Variants in FBXL7 observed in about 807,000 individuals in gnomAD.
FBXL7 encodes F-box/LRR-repeat protein 7.
Under a neutral mutation model 38.3 loss-of-function variants are expected in FBXL7, and 12 were observed. That is an observed-to-expected ratio of 0.31 (90% CI 0.20 to 0.51). The LOEUF is 0.51. FBXL7 is among the 20% of genes least tolerant of loss of function. FBXL7 has a pLI of 0.98. For synonymous variants in FBXL7, 297 were observed against 300.9 expected (o/e 0.99, Z 0.13); for missense variants, 567 against 676.4 (o/e 0.84, Z 1.79).
intron 2 of FBXL7, among the ~76,000 whole-genome samples, chr5:15,917,497 A>C (rs1741612838): frequency 6.6e-6 from 1 of 152,116 alleles, no homozygotes; most frequent in East Asian, 1.9e-4. Flanking sequence ...AGTTCCATCT[A>C]CTCGGGAGGC....
intron 2 of FBXL7, among the ~76,000 whole-genome samples, chr5:15,861,773 C>T (rs1739484026): frequency 6.6e-6 from 1 of 152,154 alleles, no homozygotes; most frequent in Non-Finnish European, 1.5e-5. Context: ...CTTCAGGTCA[C>T]CTGGTGCAAT....
chr5:15,655,712 G>T (rs1741857561), intron 2 of FBXL7, among the ~76,000 whole-genome samples: 1 of 152,150 alleles, frequency 6.6e-6, no homozygotes, highest in Admixed American at 6.5e-5. Flanking sequence ...GGTCTTAGGA[G>T]AGCAGCAGAA....
intron 2 of FBXL7, among the ~76,000 whole-genome samples, chr5:15,627,949 A>T (rs7720610): frequency 1 from 152,046 of 152,282 alleles, 75,905 homozygotes; most frequent in Non-Finnish European, 1. Context: ...GCACTTTAGT[A>T]GTAAACGGTG....
chr5:15,593,431 G>C (rs1477084355), intron 1 of FBXL7, among the ~76,000 whole-genome samples: 1 of 152,134 alleles, frequency 6.6e-6, no homozygotes. Flanking sequence ...GGCTGAGGCA[G>C]GAGAATTGCT....
rs1742192871 is a variant in FBXL7 at position 15,936,560 on chromosome 5, G to C, written c.850G>C (p.Val284Leu). ...CTACCTGGACATGACGGACTGCTTC[G>C]TGCTGGAGGACGAAGGCCTGCACAC... The part of the protein sequence containing the change: ...IRYLDMTDCF[V>L]LEDEGLHTIA... Residue 284 changes from valine to leucine, a missense_variant, in exon 4 of 4, where the codon GTG becomes CTG. Physicochemically the swap from Val to Leu is conservative, Grantham distance 32. Coordinates refer to ENST00000504595, the MANE Select transcript of FBXL7 (RefSeq NM_012304.5). The surrounding 1 kb of genome is among the most constrained non-coding windows in gnomAD (Gnocchi z 6.0). 1 of 1,613,050 alleles carries C rather than the reference G, an allele frequency of 6.2e-7. No homozygotes were observed. The highest frequency in any genetic ancestry group is 8.5e-7 in the Non-Finnish European group (1 of 1,179,906).
intron 2 of FBXL7, among the ~76,000 whole-genome samples, chr5:15,925,903 C>G (rs1242837461): frequency 2.6e-5 from 4 of 152,126 alleles, no homozygotes; most frequent in Non-Finnish European, 5.9e-5. Flanking sequence ...CCCATACAAC[C>G]ATTCTGTTTT....
Position 15,758,371 on chromosome 5 carries a change from T to C in FBXL7, c.127+142299T>C, listed in dbSNP as rs533178712. On this transcript the variant is annotated intron_variant, in intron 2 of 3. Transcript: ENST00000504595. ...CATGTGCAGGTTTGGTATATGGGTATATTGCCTGATGCTGAAATTTGGGCT... is the reference window on the plus strand; with the variant it reads ...CATGTGCAGGTTTGGTATATGGGTACATTGCCTGATGCTGAAATTTGGGCT... Among the ~76,000 whole-genome samples, 30 of 152,116 alleles carry C rather than the reference T, an allele frequency of 2.0e-4. No individual in the cohort carries two copies. The South Asian group carries it at 6.2e-3, about 32-fold the overall frequency.
At position 15,753,741 on chromosome 5, in the gene FBXL7, A is replaced by C. The variant is rs181634565; in HGVS notation, c.127+137669A>C. 1.4e-3 allele frequency among the ~76,000 whole-genome samples: 219 copies of C among 152,332 alleles called. 1 individual carries two copies. Among genetic ancestry groups the C allele is most frequent in the African/African-American group, 5.1e-3 (210 of 41,574 alleles). On this transcript the variant is annotated intron_variant, in intron 2 of 3. Coordinates refer to ENST00000504595, the MANE Select transcript of FBXL7 (RefSeq NM_012304.5). ...TTTCTTAGAAGACTTAGCTGTCTGC[A>C]GGGGAAGTAAAAATAATGGAATTAA...
In FBXL7 at chr5:15,734,423, A is replaced by G. The variant is rs147695206; in HGVS notation, c.127+118351A>G. On this transcript the variant is annotated intron_variant, in intron 2 of 3. Coordinates refer to ENST00000504595, the MANE Select transcript of FBXL7 (RefSeq NM_012304.5). ...GATTAGACTTTGGGCAAGACATTTAATTTCTCTGATCTGTGCCCTCTTCTG... is the reference window on the plus strand; with the variant it reads ...GATTAGACTTTGGGCAAGACATTTAGTTTCTCTGATCTGTGCCCTCTTCTG... 2.6e-5 allele frequency among the ~76,000 whole-genome samples: 4 copies of G among 152,326 alleles called. No individual in the cohort carries two copies. In the East Asian group the frequency reaches 7.7e-4, roughly 29 times the overall value.
At chr5:15,676,283 A>C (rs1025926174) in intron 2 of FBXL7, among the ~76,000 whole-genome samples, 1 of 152,202 alleles carries the variant, frequency 6.6e-6, no homozygotes, top group Non-Finnish European at 1.5e-5. Context: ...GTTGGTTTAA[A>C]AGTGAACAAG....
intron 2 of FBXL7, among the ~76,000 whole-genome samples, chr5:15,912,680 C>A (rs978474140): frequency 6.6e-6 from 1 of 152,010 alleles, no homozygotes; most frequent in Non-Finnish European, 1.5e-5. Context: ...AGAAGTATGA[C>A]AAGTTCTGAA....
chr5:15,827,673 G>A (rs1230953295), intron 2 of FBXL7, among the ~76,000 whole-genome samples: 1 of 152,150 alleles, frequency 6.6e-6, no homozygotes, highest in Non-Finnish European at 1.5e-5. Context: ...CTGGAGGACA[G>A]AGCCCTCACA....
intron 1 of FBXL7, among the ~76,000 whole-genome samples, chr5:15,571,092 TAAAAAAA>T (rs397996852): frequency 3.5e-4 from 45 of 129,300 alleles, no homozygotes; most frequent in South Asian, 2.6e-4. Flanking sequence ...ATTCTGTCTT[TAAAAAAA>T]AAAAAAAAAA....
In FBXL7 at chr5:15,928,540, G is replaced by A; in HGVS notation, c.739+39G>A. On this transcript the variant is annotated intron_variant, in intron 3 of 3. Transcript: ENST00000504595. This position sits in a 1 kb window ranked among gnomAD's most constrained non-coding sequence, Gnocchi z 4.0. ...GACCTACCAGCTATGGGCCCTCCTGGTGCACCATCCTAAAACAGTGGGGAC... is the reference window on the plus strand; with the variant it reads ...GACCTACCAGCTATGGGCCCTCCTGATGCACCATCCTAAAACAGTGGGGAC... 1.9e-6 allele frequency: 3 copies of A among 1,574,742 alleles called. No homozygotes were observed. Among genetic ancestry groups the A allele is most frequent in the Non-Finnish European group, 1.7e-6 (2 of 1,159,408 alleles).
chr5:15,812,901 G>A (rs1737905942), intron 2 of FBXL7, among the ~76,000 whole-genome samples: 1 of 152,084 alleles, frequency 6.6e-6, no homozygotes. Context: ...AGTTGTGAAT[G>A]GAAGTTCACT....
chr5:15,558,372 T>C (rs920482166), intron 1 of FBXL7, among the ~76,000 whole-genome samples: 1 of 152,180 alleles, frequency 6.6e-6, no homozygotes, highest in Non-Finnish European at 1.5e-5. Context: ...GAAAGAATCA[T>C]CACTCAAGCC....
At chr5:15,537,789 C>T (rs1426180711) in intron 1 of FBXL7, among the ~76,000 whole-genome samples, 2 of 152,346 alleles carry the variant, frequency 1.3e-5, no homozygotes, top group Admixed American at 1.3e-4. Context: ...CTCCCATGAG[C>T]AGGAGCCAGG....
At chr5:15,559,817 A>G (rs538365165) in intron 1 of FBXL7, among the ~76,000 whole-genome samples, 221 of 152,366 alleles carry the variant, frequency 1.5e-3, no homozygotes, top group African/African-American at 5.2e-3. Context: ...AGTCAGAATC[A>G]GTACTGAATA....
At chr5:15,847,037 A>G (rs952827834) in intron 2 of FBXL7, among the ~76,000 whole-genome samples, 2 of 152,336 alleles carry the variant, frequency 1.3e-5, no homozygotes, top group Non-Finnish European at 1.5e-5. Context: ...TGGTGAACTC[A>G]TAATTATCCC....
Sources: gnomAD v4.1 joint callset for allele counts (sites outside exome capture counted in the v4.1 genomes callset) on GRCh38, gnomAD v4.1.1 for gene constraint, Gnocchi (gnomAD v3.1) non-coding constraint, MANE v1.5 for transcripts, NCBI Gene and HGNC (gene_info 2026-07-23, HGNC 2026-07-21) for gene names.